Variants in MAPK15 observed in about 807,000 individuals in gnomAD.
MAPK15 encodes the protein ERK-7.
Under a neutral mutation model 60.8 loss-of-function variants are expected in MAPK15, and 61 were observed. That is an observed-to-expected ratio of 1.00 (90% CI 0.82 to 1.24). The LOEUF (loss-of-function observed/expected upper bound fraction) is 1.24, where lower values mean the gene tolerates loss of function less well. Among genes scored for constraint, MAPK15 ranks in the 50% most tolerant of loss-of-function variants. MAPK15 has a pLI of 0.00. For synonymous variants in MAPK15, 356 were observed against 319.9 expected, an observed-to-expected ratio of 1.11 and a Z score of -1.21; for missense variants, 808 against 741.1, an observed-to-expected ratio of 1.09 and a Z score of -1.05.
intron 1 of MAPK15, 82 bp downstream of exon 1, chr8:143,716,525 C>T (rs112575996): frequency 3.0e-6 from 4 of 1,328,370 alleles, no homozygotes; most frequent in African/African-American, 1.5e-5. Context: ...GGCCGGTCCC[C>T]TCGGAGGCCT....
rs200198011 is a variant in MAPK15 at position 143,722,102 on chromosome 8, C to T, written c.1486C>T (p.Arg496Trp). ...QVPPRLPPEARPGRRMFSTSA... is the reference protein window; with the variant it reads ...QVPPRLPPEAWPGRRMFSTSA... ...CCCTCCCCGGCTTCCTCCGGAGGCC[C>T]GGCCCGGCCGGAGGATGTTCAGCAC... is the stretch of plus-strand genomic sequence containing the variant. Residue 496 changes from arginine (R) to tryptophan (W), a missense_variant, in exon 14 of 14, where the codon CGG becomes TGG. Arg to Trp is a moderately radical substitution (Grantham distance 101). Transcript: ENST00000338033. 596 of 1,612,358 alleles carry T rather than the reference C, an allele frequency of 3.7e-4. No individual in the cohort carries two copies. The highest frequency in any genetic ancestry group is 4.7e-4 in the Admixed American group (28 of 59,994).
Position 143,720,837 on chromosome 8 carries a change from A to G in MAPK15, c.914A>G (p.Gln305Arg). 1 of 1,612,066 alleles carries G rather than the reference A, an allele frequency of 6.2e-7. No individual in the cohort carries two copies. The highest frequency in any genetic ancestry group is 8.5e-7 in the Non-Finnish European group (1 of 1,179,620). ...ATQALQHPYV[Q>R]RFHCPSDEWA... ...CAGGCACTGCAGCACCCCTACGTGC[A>G]GAGGTGGGGGTGGGAGAGAGTCCCC... is the stretch of plus-strand genomic sequence containing the variant. The change falls in exon 9 of 14, where the codon CAG becomes CGG. Residue 305 changes from glutamine to arginine, a missense_variant. Physicochemically the swap from Gln to Arg is conservative, Grantham distance 43. Coordinates refer to ENST00000338033, the MANE Select transcript of MAPK15 (RefSeq NM_139021.3). The surrounding 1 kb of genome is among the most constrained non-coding windows in gnomAD (Gnocchi z 4.6).
rs539612309 is a variant in MAPK15, at chr8:143,719,403, G to C, written c.642G>C (p.Gly214=). ...LGCILGEMLR[G]RPLFPGTSTL... is the part of the protein sequence containing the mutation. ...GTATCCTGGGGGAGATGCTGCGGGG[G>C]AGACCCCTGTTCCCCGGCACGTCCA... The change falls in exon 7 of 14, where the codon GGG becomes GGC. Residue 214 remains glycine (G), a synonymous_variant. Transcript: ENST00000338033. 4 of 1,611,672 alleles carry C rather than the reference G, an allele frequency of 2.5e-6. No individual in the cohort carries two copies. Among genetic ancestry groups the C allele is most frequent in the South Asian group, 1.1e-5 (1 of 90,746 alleles).
In MAPK15 at chr8:143,721,394, A is replaced by G. The variant is rs560815393; in HGVS notation, c.1187A>G (p.His396Arg). ...PRPRPQSSPG[H>R]DPAEHESPRA... ...CCCAGGCCCCAGAGCAGCCCAGGCC[A>G]TGACCCTGCCGAGCACGGTGTGTGA... The change falls in exon 11 of 14, where the codon CAT (histidine) becomes CGT (arginine). Residue 396 changes from histidine (H) to arginine (R), a missense_variant. His to Arg is a conservative substitution (Grantham distance 29). Transcript: ENST00000338033. The G allele has an allele frequency of 5.6e-6, 9 of 1,611,964 alleles. No homozygotes were observed. The South Asian group carries it at 6.6e-5, about 12-fold the overall frequency.
At position 143,720,915 on chromosome 8, in the gene MAPK15, A is replaced by G; in HGVS notation, c.917+75A>G. ...AGGAGAGAGCCAGCCCATGAGGGAC[A>G]GCCCCCACAGCAGGGACCCTGCTGT... On this transcript the variant is annotated intron_variant, in intron 9 of 13. Transcript: ENST00000338033. This position sits in a 1 kb window ranked among gnomAD's most constrained non-coding sequence, Gnocchi z 4.6. The G allele has an allele frequency of 6.3e-7, 1 of 1,581,628 alleles. No individual in the cohort carries two copies.
intron 1 of MAPK15, 128 bp from the exon 2 acceptor site, chr8:143,717,566 G>A (rs1456718979): frequency 1.9e-5 from 14 of 748,122 alleles, no homozygotes; most frequent in Non-Finnish European, 3.2e-5. Context: ...GCAGTTGCGG[G>A]AGCCCACACT....
intron 1 of MAPK15, among the ~76,000 whole-genome samples, chr8:143,717,390 G>A (rs1295752335): frequency 6.6e-6 from 1 of 152,128 alleles, no homozygotes; most frequent in Non-Finnish European, 1.5e-5. Flanking sequence ...GAGAAAGGGA[G>A]GGAGAGTGCC....
chr8:143,718,434 C>A (rs1817899665), intron 4 of MAPK15, 132 bp downstream of exon 4: 3 of 841,488 alleles, frequency 3.6e-6, no homozygotes, highest in Non-Finnish European at 5.9e-6. Flanking sequence ...TCACCATGTA[C>A]CCTGGACTCA....
At position 143,722,116 on chromosome 8, in the gene MAPK15, G is replaced by A. The variant is rs371281381; in HGVS notation, c.1500G>A (p.Arg500=). The A allele has an allele frequency of 1.1e-4, 181 of 1,612,486 alleles. No homozygotes were observed. Among genetic ancestry groups the A allele is most frequent in the Admixed American group, 1.5e-4 (9 of 59,968 alleles). The change falls in exon 14 of 14, where the codon AGG becomes AGA. Residue 500 remains arginine, a synonymous_variant. Coordinates refer to ENST00000338033, the MANE Select transcript of MAPK15 (RefSeq NM_139021.3). ...CTCCGGAGGCCCGGCCCGGCCGGAG[G>A]ATGTTCAGCACCTCTGCCTTGCAGG... The part of the protein sequence containing the change: ...RLPPEARPGR[R]MFSTSALQGA...
In MAPK15 at chr8:143,718,304, T is replaced by A. The variant is rs1817893829; in HGVS notation, c.286+2T>A. 1 of 1,613,594 alleles carries A rather than the reference T, an allele frequency of 6.2e-7. No homozygotes were observed. The highest frequency in any genetic ancestry group is 8.5e-7 in the Non-Finnish European group (1 of 1,179,924). On this transcript the variant is annotated splice_donor_variant, in intron 4 of 13. Coordinates refer to ENST00000338033, the MANE Select transcript of MAPK15 (RefSeq NM_139021.3). LOFTEE classifies it high-confidence loss of function. ...TTTACCTGGTGTTTGAGTTTATGGG[T>A]GAGTGAGGCCCCGGCCAGCGCCCCA...
intron 1 of MAPK15, 132 bp downstream of exon 1, chr8:143,716,575 G>A (rs1431522465): frequency 6.6e-6 from 5 of 756,860 alleles, no homozygotes; most frequent in African/African-American, 1.9e-5. Flanking sequence ...TCCGTAGGCG[G>A]GAGAGGTGGT....
rs782418588 is a variant in MAPK15 at position 143,718,907 on chromosome 8, T to A, written c.417+2T>A. 3 of 1,603,212 alleles carry A rather than the reference T, an allele frequency of 1.9e-6. No homozygotes were observed. The highest frequency in any genetic ancestry group is 2.6e-6 in the Non-Finnish European group (3 of 1,174,194). ...CACGTTGTGCACCGGGACCAGAAGGTGCGGTTCCCCCGCCCCCGCTATGCC... is the reference window on the plus strand; with the variant it reads ...CACGTTGTGCACCGGGACCAGAAGGAGCGGTTCCCCCGCCCCCGCTATGCC... On this transcript the variant is annotated splice_donor_variant, in intron 5 of 13. Transcript: ENST00000338033. LOFTEE classifies it high-confidence loss of function.
rs371281381 is a variant in MAPK15, at chr8:143,722,116, G to C, written c.1500G>C (p.Arg500Ser). The C allele has an allele frequency of 2.5e-6, 4 of 1,612,486 alleles. No individual in the cohort carries two copies. Residue 500 changes from arginine (R) to serine (S), a missense_variant, in exon 14 of 14, where the codon AGG becomes AGC. Transcript: ENST00000338033. ...CTCCGGAGGCCCGGCCCGGCCGGAGGATGTTCAGCACCTCTGCCTTGCAGG... is the reference window on the plus strand; with the variant it reads ...CTCCGGAGGCCCGGCCCGGCCGGAGCATGTTCAGCACCTCTGCCTTGCAGG... ...RLPPEARPGR[R>S]MFSTSALQGA...
intron 1 of MAPK15, 45 bp downstream of exon 1, chr8:143,716,488 T>C (rs1563746678): frequency 2.5e-6 from 4 of 1,569,312 alleles, no homozygotes; most frequent in Non-Finnish European, 1.7e-6. Flanking sequence ...GCGCGGCAGA[T>C]CTGCGGAGAG....
Position 143,718,068 on chromosome 8 carries a change from C to T in MAPK15, c.187C>T (p.Leu63Phe). ...TCAGAGAACATTCCGGGAAATCACG[C>T]TCCTCCAGGTGAGTGGCCTGGGCCC... ...DAQRTFREITLLQEFGDHPNI... is the reference protein window; with the variant it reads ...DAQRTFREITFLQEFGDHPNI... The change falls in exon 3 of 14, where the codon CTC becomes TTC. Residue 63 changes from leucine (L) to phenylalanine (F), a missense_variant. Coordinates refer to ENST00000338033, the MANE Select transcript of MAPK15 (RefSeq NM_139021.3). 2 of 1,614,146 alleles carry T rather than the reference C, an allele frequency of 1.2e-6. No individual in the cohort carries two copies. Among genetic ancestry groups the T allele is most frequent in the South Asian group, 2.2e-5 (2 of 91,088 alleles).
chr8:143,722,336 C>A lies in MAPK15; in HGVS notation c.*85C>A. 7.8e-7 allele frequency: 1 copy of A among 1,286,124 alleles called. No homozygotes were observed. Among genetic ancestry groups the A allele is most frequent in the Non-Finnish European group, 1.0e-6 (1 of 955,924 alleles). The allele number at this position is 1,286,124 out of a possible 1,614,324, so 79.7% of individuals were successfully genotyped here. A position where few individuals can be genotyped will look rare whatever the true frequency, so the allele number is the denominator to read the frequency against. On this transcript the variant is annotated 3_prime_UTR_variant, in exon 14 of 14. Transcript: ENST00000338033. ...TCTCCAGTCTCCTGCACCCCTTAGC[C>A]CTCCCTGCTTTGCCTGGCCCGTTGA...
rs1554619372 is a variant in MAPK15 at position 143,720,201 on chromosome 8, C to G, written c.722-29C>G. On this transcript the variant is annotated intron_variant, in intron 7 of 13. Coordinates refer to ENST00000338033, the MANE Select transcript of MAPK15 (RefSeq NM_139021.3). This position sits in a 1 kb window ranked among gnomAD's most constrained non-coding sequence, Gnocchi z 4.6. ...AGCCGCCCCAGCCGACCAGGCCTGC[C>G]TGGGTCACACCACCTTCTGCTGCCC... The G allele has an allele frequency of 6.4e-7, 1 of 1,554,128 alleles. No homozygotes were observed. The highest frequency in any genetic ancestry group is 8.7e-7 in the Non-Finnish European group (1 of 1,149,634).
In MAPK15 at chr8:143,720,784, C is replaced by G; in HGVS notation, c.861C>G (p.Phe287Leu). The G allele has an allele frequency of 6.2e-7, 1 of 1,613,712 alleles. No individual in the cohort carries two copies. ...ACCTCCTTAGGCGACTCCTGGTGTT[C>G]GCCCCGGACAAGCGGTTAAGCGCGA... Reference protein sequence around the residue: ...ALDLLRRLLVFAPDKRLSATQ... With the variant: ...ALDLLRRLLVLAPDKRLSATQ... Residue 287 changes from phenylalanine (F) to leucine (L), a missense_variant, in exon 9 of 14, where the codon TTC becomes TTG. Transcript: ENST00000338033. This position sits in a 1 kb window ranked among gnomAD's most constrained non-coding sequence, Gnocchi z 4.6.
At chr8:143,718,346 G>A in intron 4 of MAPK15, 44 bp downstream of exon 4, 1 of 1,574,442 alleles carries the variant, frequency 6.4e-7, no homozygotes, top group Middle Eastern at 1.7e-4. Context: ...CCTCTGTTCT[G>A]TCCTGACGCC....
Sources: gnomAD v4.1 joint callset for allele counts (sites outside exome capture counted in the v4.1 genomes callset) on GRCh38, gnomAD v4.1.1 for gene constraint, Gnocchi (gnomAD v3.1) non-coding constraint, MANE v1.5 for transcripts, NCBI Gene and HGNC (gene_info 2026-07-23, HGNC 2026-07-21) for gene names.